The following EWSR1 variants were observed in gnomAD, a reference collection of about 807,000 sequenced individuals.
EWSR1 encodes the protein EWS RNA binding protein 1.
EWSR1 carries 14 observed loss-of-function variants against 92.1 expected under a neutral mutation model. That is an observed-to-expected ratio of 0.15 (90% CI 0.10 to 0.24). The LOEUF (loss-of-function observed/expected upper bound fraction) is 0.24, where lower values mean the gene tolerates loss of function less well. EWSR1 is among the 10% of genes least tolerant of loss of function. EWSR1 has a pLI of 1.00. For synonymous variants in EWSR1, 303 were observed against 292.9 expected, an observed-to-expected ratio of 1.03 and a Z score of -0.35; for missense variants, 637 against 870.9, an observed-to-expected ratio of 0.73 and a Z score of 3.38.
rs756695931 is a variant in EWSR1, at chr22:29,278,016, C to G, written c.227-14C>G. 1.2e-6 allele frequency: 2 copies of G among 1,607,664 alleles called. No individual in the cohort carries two copies. The highest frequency in any genetic ancestry group is 1.1e-5 in the South Asian group (1 of 90,802). ...AGGGGACCTGAAATCTGATGCAGCT[C>G]TCCTTTGTTCTAGGTTATACTACTC... is the stretch of plus-strand genomic sequence containing the variant. On this transcript the variant is annotated splice_polypyrimidine_tract_variant and intron_variant, in intron 4 of 16. Coordinates refer to ENST00000397938, the MANE Select transcript of EWSR1 (RefSeq NM_005243.4).
intron 8 of EWSR1, 189 bp downstream of exon 8, chr22:29,288,975 T>A: frequency 1.7e-6 from 1 of 572,042 alleles, no homozygotes; most frequent in Non-Finnish European, 2.9e-6. Context: ...GTTTATTTTC[T>A]TTCCCTGCCA....
chr22:29,299,694 CGTG>C lies in EWSR1; in HGVS notation c.1779_1781del (p.Gly594del), dbSNP rs2061186720. 4 of 1,611,764 alleles carry C rather than the reference CGTG, an allele frequency of 2.5e-6. No individual in the cohort carries two copies. Among genetic ancestry groups the C allele is most frequent in the South Asian group, 1.1e-5 (1 of 90,870 alleles). ...TCCCGGTGGAATGTTCAGAGGTGGC[CGTG>C]GTGGAGACAGAGGTGGCTTCCGTGG... On this transcript the variant is annotated inframe_deletion, in exon 16 of 17. Coordinates refer to ENST00000397938, the MANE Select transcript of EWSR1 (RefSeq NM_005243.4).
intron 12 of EWSR1, 73 bp from the exon 13 acceptor site, chr22:29,297,754 C>A: frequency 1.3e-6 from 2 of 1,581,318 alleles, no homozygotes; most frequent in South Asian, 2.3e-5. Flanking sequence ...TGGGAGTGGT[C>A]ATTTGATGAT....
chr22:29,277,943 A>AT, intron 4 of EWSR1, 87 bp from the exon 5 acceptor site: 2 of 1,184,048 alleles, frequency 1.7e-6, no homozygotes, highest in Non-Finnish European at 2.4e-6. Flanking sequence ...GGTTTAAAGT[A>AT]AGTGGTTTAC....
In EWSR1 at chr22:29,282,547, C is replaced by T. The variant is rs2059687762; in HGVS notation, c.571C>T (p.Pro191Ser). 6.6e-6 allele frequency: 10 copies of T among 1,518,650 alleles called. No individual in the cohort carries two copies. Among genetic ancestry groups the T allele is most frequent in the Non-Finnish European group, 8.8e-6 (10 of 1,139,400 alleles). The allele number at this position is 1,518,650 out of a possible 1,614,324, so 94.1% of individuals were successfully genotyped here. The change falls in exon 6 of 17, where the codon CCT (proline) becomes TCT (serine). Residue 191 changes from proline to serine, a missense_variant. Pro to Ser is a moderately conservative substitution (Grantham distance 74, BLOSUM62 -1). This residue lies in a region of EWSR1 where 116 missense variants were observed against 167.8 expected (regional missense o/e 0.69). Coordinates refer to ENST00000397938, the MANE Select transcript of EWSR1 (RefSeq NM_005243.4). ...GCCAGTCACTGCACCTCCATCCTACCCTCCTACCAGGTCAGTCTACTTTTT... is the reference window on the plus strand; with the variant it reads ...GCCAGTCACTGCACCTCCATCCTACTCTCCTACCAGGTCAGTCTACTTTTT... Reference protein sequence around the residue: ...MQPVTAPPSYPPTSYSSTQPT... With the variant: ...MQPVTAPPSYSPTSYSSTQPT...
intron 4 of EWSR1, chr22:29,275,734 G>A (rs944140502): frequency 1.7e-5 from 4 of 228,646 alleles, no homozygotes; most frequent in African/African-American, 8.9e-5. Flanking sequence ...TCTCTTCTAG[G>A]ATTTTTAAAA....
chr22:29,293,896 T>G (rs1473904158), intron 11 of EWSR1, among the ~76,000 whole-genome samples: 1 of 152,088 alleles, frequency 6.6e-6, no homozygotes, highest in East Asian at 1.9e-4. Context: ...TATTTTACTT[T>G]GAGACAGAGT....
chr22:29,278,413 G>A (rs901765872), intron 5 of EWSR1, among the ~76,000 whole-genome samples, 197 bp downstream of exon 5: 7 of 152,222 alleles, frequency 4.6e-5, no homozygotes, highest in African/African-American at 9.6e-5. Context: ...TTGGCTGGGC[G>A]CGGTTTCTCA....
At chr22:29,273,320 CATTT>C (rs777312670) in intron 3 of EWSR1, among the ~76,000 whole-genome samples, 2 of 152,202 alleles carry the variant, frequency 1.3e-5, no homozygotes, top group East Asian at 1.9e-4. Context: ...TTTCTCTGTT[CATTT>C]GTCTTCGTAC....
At chr22:29,283,474 G>A (rs983845693) in intron 6 of EWSR1, among the ~76,000 whole-genome samples, 1 of 149,210 alleles carries the variant, frequency 6.7e-6, no homozygotes, top group Non-Finnish European at 1.5e-5. Flanking sequence ...TCAGCCTCCC[G>A]AGTAGCTGGG....
intron 6 of EWSR1, among the ~76,000 whole-genome samples, chr22:29,283,415 G>A (rs764927773): frequency 1.3e-5 from 2 of 151,998 alleles, no homozygotes; most frequent in Non-Finnish European, 2.9e-5. Flanking sequence ...GAGTGCAGTG[G>A]CACGATCTCC....
Position 29,273,858 on chromosome 22 carries a change from C to G in EWSR1, c.220C>G (p.Pro74Ala). ...CTATGCAACTTCTTATGGACAGCCT[C>G]CCACTGGTAAGGCCTGCCTTGGAGA... Reference protein sequence around the residue: ...TAYATSYGQPPTGYTTPTAPQ... With the variant: ...TAYATSYGQPATGYTTPTAPQ... Residue 74 changes from proline (P) to alanine (A), a missense_variant, in exon 4 of 17, where the codon CCC becomes GCC. Physicochemically the swap from Pro to Ala is conservative, Grantham distance 27. This residue lies in a region of EWSR1 where 144 missense variants were observed against 189.0 expected (regional missense o/e 0.76). Transcript: ENST00000397938. 1 of 1,613,956 alleles carries G rather than the reference C, an allele frequency of 6.2e-7. No individual in the cohort carries two copies. Among genetic ancestry groups the G allele is most frequent in the Non-Finnish European group, 8.5e-7 (1 of 1,179,908 alleles).
intron 1 of EWSR1, among the ~76,000 whole-genome samples, chr22:29,270,035 C>T (rs1343297641): frequency 6.6e-6 from 1 of 152,178 alleles, no homozygotes; most frequent in Admixed American, 6.5e-5. Context: ...CTGTAAAATA[C>T]AGAAGTTAGG....
Position 29,278,033 on chromosome 22 carries a change from A to T in EWSR1, c.230A>T (p.Tyr77Phe), listed in dbSNP as rs1164142372. Residue 77 changes from tyrosine to phenylalanine, a missense_variant, in exon 5 of 17, where the codon TAT becomes TTT. Tyr to Phe is a conservative substitution (Grantham distance 22, BLOSUM62 3). Around this residue, in one of 5 missense-constraint regions of EWSR1, gnomAD observed 144 missense variants for 189.0 expected, o/e 0.76. Coordinates refer to ENST00000397938, the MANE Select transcript of EWSR1 (RefSeq NM_005243.4). ...ATSYGQPPTG[Y>F]TTPTAPQAYS... ...ATGCAGCTCTCCTTTGTTCTAGGTTATACTACTCCAACTGCCCCCCAGGCA... is the reference window on the plus strand; with the variant it reads ...ATGCAGCTCTCCTTTGTTCTAGGTTTTACTACTCCAACTGCCCCCCAGGCA... The T allele has an allele frequency of 6.2e-7, 1 of 1,613,656 alleles. No individual in the cohort carries two copies. Among genetic ancestry groups the T allele is most frequent in the Admixed American group, 1.7e-5 (1 of 59,994 alleles).
intron 5 of EWSR1, 31 bp downstream of exon 5, chr22:29,278,247 C>T (rs1422631831): frequency 1.3e-6 from 2 of 1,598,212 alleles, no homozygotes; most frequent in Admixed American, 3.4e-5. Flanking sequence ...ATGCGTCAGT[C>T]TTATGTTGGA....
intron 6 of EWSR1, among the ~76,000 whole-genome samples, chr22:29,285,119 C>CTTTTT (rs1417699451): frequency 1.9e-4 from 21 of 108,142 alleles, no homozygotes; most frequent in African/African-American, 7.6e-4. Flanking sequence ...GCTTCTGGCC[C>CTTTTT]TTGTTTTTTT....
At position 29,278,206 on chromosome 22, in the gene EWSR1, G is replaced by A. The variant is rs2059266559; in HGVS notation, c.403G>A (p.Ala135Thr). ...CTATGGGCAGCAGCCAGCAGCCACT[G>A]CACCTACAAGGTAAGGCCATGGTGT... is the stretch of plus-strand genomic sequence containing the variant. ...PAYGQQPAAT[A>T]PTRPQDGNKP... Residue 135 changes from alanine (A) to threonine (T), a missense_variant, in exon 5 of 17, where the codon GCA (alanine) becomes ACA (threonine). Coordinates refer to ENST00000397938, the MANE Select transcript of EWSR1 (RefSeq NM_005243.4). 9 of 1,613,966 alleles carry A rather than the reference G, an allele frequency of 5.6e-6. No homozygotes were observed. The highest frequency in any genetic ancestry group is 7.6e-6 in the Non-Finnish European group (9 of 1,179,904).
At chr22:29,286,702 A>T (rs2060064354) in intron 6 of EWSR1, among the ~76,000 whole-genome samples, 1 of 151,656 alleles carries the variant, frequency 6.6e-6, no homozygotes, top group African/African-American at 2.4e-5. Flanking sequence ...AAAAAAAAAA[A>T]AAAAAAAAAA....
chr22:29,277,396 A>T, intron 4 of EWSR1: 1 of 223,308 alleles, frequency 4.5e-6, no homozygotes, highest in African/African-American at 2.2e-5. Flanking sequence ...AATTTACAAA[A>T]AAAGGATAAA....
Sources: gnomAD v4.1 joint callset for allele counts (sites outside exome capture counted in the v4.1 genomes callset) on GRCh38, gnomAD v4.1.1 for gene constraint, gnomAD v4.1.1 regional missense constraint, MANE v1.5 for transcripts, NCBI Gene and HGNC (gene_info 2026-07-23, HGNC 2026-07-21) for gene names.